Variants in KDELR1 observed in about 807,000 individuals in gnomAD.
KDELR1 encodes the protein KDEL endoplasmic reticulum protein retention receptor 1, also known as ER lumen protein-retaining receptor 1.
A neutral mutation model predicts 25.5 loss-of-function variants in KDELR1; 16 were observed. The observed-to-expected ratio is 0.63, with a 90% CI of 0.43 to 0.95. KDELR1 has a LOEUF of 0.95. Ranked by LOEUF, KDELR1 falls within the 40% of genes least tolerant of loss-of-function variation. KDELR1 has a pLI of 0.00. For missense variants in KDELR1, 159 were observed against 265.2 expected (o/e 0.60, Z 2.78); for synonymous variants, 121 against 115.0 (o/e 1.05, Z -0.33).
intron 4 of KDELR1, among the ~76,000 whole-genome samples, chr19:48,383,717 T>C (rs1970473888): frequency 6.6e-6 from 1 of 152,012 alleles, no homozygotes; most frequent in South Asian, 2.1e-4. Flanking sequence ...TCTTGCTATG[T>C]TGCTCTGGAA....
At chr19:48,388,202 T>C (rs986166692) in intron 3 of KDELR1, among the ~76,000 whole-genome samples, 10 of 152,194 alleles carry the variant, frequency 6.6e-5, no homozygotes, top group African/African-American at 2.4e-4. Context: ...CAGAATCCCA[T>C]AGCTGCTACA....
intron 3 of KDELR1, among the ~76,000 whole-genome samples, chr19:48,385,157 G>A (rs1970485967): frequency 6.6e-6 from 1 of 152,162 alleles, no homozygotes; most frequent in Non-Finnish European, 1.5e-5. Flanking sequence ...AAAGTGCTGG[G>A]ATTACAGGCA....
chr19:48,394,681 C>T (rs1327598954), upstream of KDELR1, among the ~76,000 whole-genome samples: 1 of 152,142 alleles, frequency 6.6e-6, no homozygotes, highest in Non-Finnish European at 1.5e-5. This position sits in a 1 kb window ranked among gnomAD's most constrained non-coding sequence, Gnocchi z 5.1. Flanking sequence ...GCCACGTCCT[C>T]GCCTAGTCCA....
At chr19:48,395,518 G>T (rs559994592), upstream of KDELR1, among the ~76,000 whole-genome samples, 15 of 152,124 alleles carry the variant, frequency 9.9e-5, no homozygotes, top group South Asian at 3.1e-3. Context: ...GGGAGGTGAG[G>T]GGGGAGGAAA....
At chr19:48,390,551 G>GAC in intron 1 of KDELR1, 27 bp from the exon 2 acceptor site, 1 of 1,280,660 alleles carries the variant, frequency 7.8e-7, no homozygotes, top group Middle Eastern at 1.9e-4. Context: ...GAGAAAGAGA[G>GAC]AGAGAGAGAG....
upstream of KDELR1, among the ~76,000 whole-genome samples, chr19:48,392,787 C>T (rs1030184517): frequency 1.3e-5 from 2 of 152,180 alleles, no homozygotes; most frequent in Non-Finnish European, 2.9e-5. Flanking sequence ...CACACACACC[C>T]TCTTCCACCC....
chr19:48,388,583 G>T (rs1478269868), intron 3 of KDELR1, among the ~76,000 whole-genome samples: 1 of 152,062 alleles, frequency 6.6e-6, no homozygotes, highest in East Asian at 1.9e-4. Context: ...CTACTCGGGA[G>T]GCTGAGGCAG....
At position 48,389,547 on chromosome 19, in the gene KDELR1, G is replaced by A. The variant is rs200566177; in HGVS notation, c.351+6C>T. 1.0e-4 allele frequency: 168 copies of A among 1,613,922 alleles called. No individual in the cohort carries two copies. In the East Asian group the frequency reaches 3.5e-3, roughly 33 times the overall value. The stretch of plus-strand genomic sequence containing the variant: ...CCCAAATAAGGAGTCACAGCAAGGC[G>A]CCTACCTCCAGAGGGGTGAAGTCAT... On this transcript the variant is annotated splice_donor_region_variant and intron_variant, in intron 3 of 4. Coordinates refer to ENST00000330720, the MANE Select transcript of KDELR1 (RefSeq NM_006801.3).
At chr19:48,391,206 G>A in intron 1 of KDELR1, 62 bp downstream of exon 1, 1 of 1,434,674 alleles carries the variant, frequency 7.0e-7, no homozygotes, top group Non-Finnish European at 9.6e-7. Flanking sequence ...CCTGAGTCCT[G>A]CGACGTCCCC....
chr19:48,384,444 G>A lies in KDELR1; in HGVS notation c.390C>T (p.Ala130=). The change falls in exon 4 of 5, where the codon GCC becomes GCT. Residue 130 remains alanine, a synonymous_variant. Coordinates refer to ENST00000330720, the MANE Select transcript of KDELR1 (RefSeq NM_006801.3). This position sits in a 1 kb window ranked among gnomAD's most constrained non-coding sequence, Gnocchi z 4.6. The part of the protein sequence containing the change: ...WTFSIYLESV[A]ILPQLFMVSK... ...TCACCATGAACAGCTGCGGCAAGAT[G>A]GCCACTGACTCCAGGTAGATGGAGA... 6.2e-7 allele frequency: 1 copy of A among 1,613,580 alleles called. No homozygotes were observed. Among genetic ancestry groups the A allele is most frequent in the Non-Finnish European group, 8.5e-7 (1 of 1,179,810 alleles).
upstream of KDELR1, among the ~76,000 whole-genome samples, chr19:48,396,062 C>T (rs138539540): frequency 1.3e-5 from 2 of 152,114 alleles, no homozygotes; most frequent in East Asian, 3.9e-4. Context: ...CTGAGGAAGG[C>T]AGGCTGGGAG....
chr19:48,383,359 C>T (rs1334167253), intron 4 of KDELR1, 32 bp from the exon 5 acceptor site: 11 of 1,550,548 alleles, frequency 7.1e-6, no homozygotes, highest in South Asian at 2.4e-5. Context: ...AGGGCATTAC[C>T]GCTGGGGCCC....
At chr19:48,385,874 A>G (rs979659333) in intron 3 of KDELR1, among the ~76,000 whole-genome samples, 1 of 152,202 alleles carries the variant, frequency 6.6e-6, no homozygotes, top group African/African-American at 2.4e-5. Context: ...CATTCTACAG[A>G]TGAGGAAACT....
chr19:48,396,407 G>C (rs960120210), upstream of KDELR1, among the ~76,000 whole-genome samples: 1 of 152,072 alleles, frequency 6.6e-6, no homozygotes, highest in African/African-American at 2.4e-5. Flanking sequence ...AGTGGGACGC[G>C]GGGTCCCTAA....
intron 1 of KDELR1, chr19:48,390,790 C>T: frequency 2.0e-6 from 1 of 489,638 alleles, no homozygotes; most frequent in Non-Finnish European, 3.7e-6. Flanking sequence ...GCTACTCCAG[C>T]CCGAGGCTCC....
chr19:48,394,199 G>A (rs556703779), upstream of KDELR1, among the ~76,000 whole-genome samples: 5 of 151,568 alleles, frequency 3.3e-5, no homozygotes, highest in South Asian at 1.0e-3. The surrounding 1 kb of genome is among the most constrained non-coding windows in gnomAD (Gnocchi z 5.1). Context: ...GTGTGTCTGT[G>A]TGTGTGTCCC....
chr19:48,387,990 C>A (rs141831867), intron 3 of KDELR1, among the ~76,000 whole-genome samples: 1 of 152,190 alleles, frequency 6.6e-6, no homozygotes, highest in South Asian at 2.1e-4. Context: ...TCATTAACAG[C>A]GAACATTTAA....
At chr19:48,395,737 TG>T (rs548565107), upstream of KDELR1, among the ~76,000 whole-genome samples, 1 of 151,426 alleles carries the variant, frequency 6.6e-6, no homozygotes, top group African/African-American at 2.4e-5. Flanking sequence ...CAGAGCTCGG[TG>T]GGGGGGCACC....
In KDELR1 at chr19:48,384,447, C is replaced by T; in HGVS notation, c.387G>A (p.Val129=). 6.2e-7 allele frequency: 1 copy of T among 1,613,422 alleles called. No individual in the cohort carries two copies. The highest frequency in any genetic ancestry group is 8.5e-7 in the Non-Finnish European group (1 of 1,179,768). The change falls in exon 4 of 5, where the codon GTG becomes GTA. Residue 129 remains valine, a synonymous_variant. Coordinates refer to ENST00000330720, the MANE Select transcript of KDELR1 (RefSeq NM_006801.3). This position sits in a 1 kb window ranked among gnomAD's most constrained non-coding sequence, Gnocchi z 4.6. ...CCATGAACAGCTGCGGCAAGATGGC[C>T]ACTGACTCCAGGTAGATGGAGAAGG... ...LWTFSIYLES[V]AILPQLFMVS...
Sources: gnomAD v4.1 joint callset for allele counts (sites outside exome capture counted in the v4.1 genomes callset) on GRCh38, gnomAD v4.1.1 for gene constraint, Gnocchi (gnomAD v3.1) non-coding constraint, MANE v1.5 for transcripts, NCBI Gene and HGNC (gene_info 2026-07-23, HGNC 2026-07-21) for gene names.